The following LPP variants were observed in gnomAD, a reference collection of about 807,000 sequenced individuals.
The protein encoded by LPP is LIM domain containing preferred translocation partner in lipoma.
In LPP, 38 loss-of-function variants were observed where a neutral mutation model predicts 60.4. The observed-to-expected ratio is 0.63, with a 90% CI of 0.49 to 0.83. The LOEUF (loss-of-function observed/expected upper bound fraction) is 0.83. LPP is among the 40% of genes least tolerant of loss of function. LPP has a pLI of 0.00. For missense variants in LPP, 902 were observed against 783.6 expected, an observed-to-expected ratio of 1.15 and a Z score of -1.80; for synonymous variants, 328 against 290.8, an observed-to-expected ratio of 1.13 and a Z score of -1.30.
At chr3:188,322,588 C>T (rs1043545615) in intron 2 of LPP, among the ~76,000 whole-genome samples, 2 of 152,086 alleles carry the variant, frequency 1.3e-5, no homozygotes, top group Non-Finnish European at 2.9e-5. Flanking sequence ...TATATACGGC[C>T]TGAGTTTTAA....
intron 9 of LPP, among the ~76,000 whole-genome samples, chr3:188,800,421 A>AT (rs1283620751): frequency 6.6e-6 from 1 of 151,058 alleles, no homozygotes; most frequent in Non-Finnish European, 1.5e-5. Context: ...AATTTTTTGT[A>AT]TTTTTAGTAG....
At chr3:188,420,024 C>T (rs1787356084) in intron 4 of LPP, among the ~76,000 whole-genome samples, 1 of 152,014 alleles carries the variant, frequency 6.6e-6, no homozygotes, top group Non-Finnish European at 1.5e-5. Flanking sequence ...ATTGTTCTTG[C>T]TATTATTATT....
At chr3:188,616,454 T>C (rs531359603) in intron 7 of LPP, among the ~76,000 whole-genome samples, 1 of 152,302 alleles carries the variant, frequency 6.6e-6, no homozygotes, top group South Asian at 2.1e-4. Flanking sequence ...TATGTCTGTT[T>C]CAATACCAGT....
intron 1 of LPP, among the ~76,000 whole-genome samples, chr3:188,155,928 T>G (rs567602133): frequency 2.0e-5 from 3 of 151,866 alleles, no homozygotes; most frequent in Non-Finnish European, 4.4e-5. Flanking sequence ...GGCAGGAGAA[T>G]CGCTTGAACC....
chr3:188,495,761 G>T (rs1810010412), intron 5 of LPP, among the ~76,000 whole-genome samples: 1 of 152,076 alleles, frequency 6.6e-6, no homozygotes, highest in Non-Finnish European at 1.5e-5. Context: ...AAATCTTTCG[G>T]TTCTTTTGTA....
chr3:188,602,184 A>G (rs1293177162), intron 6 of LPP, among the ~76,000 whole-genome samples: 1 of 135,910 alleles, frequency 7.4e-6, no homozygotes, highest in Non-Finnish European at 1.6e-5. Flanking sequence ...TATTATATAT[A>G]TATATGACAT....
chr3:188,883,021 C>T lies in LPP; in HGVS notation c.*8542C>T. 5.1e-6 allele frequency: 1 copy of T among 197,770 alleles called. No homozygotes were observed. Among genetic ancestry groups the T allele is most frequent in the Non-Finnish European group, 1.0e-5 (1 of 95,518 alleles). The allele number at this position is 197,770 out of a possible 1,614,324, so 12.3% of individuals were successfully genotyped here. ...AATTCTGACTCTACTTAAACATCAC[C>T]TGTATCAGGGAGCTCATTATTCCTT... On this transcript the variant is annotated 3_prime_UTR_variant, in exon 12 of 12. Transcript: ENST00000617246.
At chr3:188,389,400 G>A (rs1479503608) in intron 3 of LPP, among the ~76,000 whole-genome samples, 6 of 152,154 alleles carry the variant, frequency 3.9e-5, no homozygotes, top group South Asian at 2.1e-4. Flanking sequence ...TAACCTGACC[G>A]CTTGACAGTG....
At chr3:188,575,680 A>G (rs1194450903) in intron 6 of LPP, among the ~76,000 whole-genome samples, 2 of 152,176 alleles carry the variant, frequency 1.3e-5, no homozygotes, top group East Asian at 3.9e-4. Context: ...TGTGGCAAGA[A>G]CACGGTTACC....
At chr3:188,733,284 C>CA in intron 8 of LPP, among the ~76,000 whole-genome samples, 1 of 110,256 alleles carries the variant, frequency 9.1e-6, no homozygotes, top group African/African-American at 3.4e-5. Context: ...TTTACTTCAC[C>CA]AAAAACGTGT....
chr3:188,419,634 T>C (rs1787234907), intron 4 of LPP, among the ~76,000 whole-genome samples: 1 of 152,236 alleles, frequency 6.6e-6, no homozygotes. Flanking sequence ...GGCTCACGCC[T>C]GTAATCCCAG....
In LPP at chr3:188,875,796, C is replaced by T. The variant is rs1302610454; in HGVS notation, c.*1317C>T. On this transcript the variant is annotated 3_prime_UTR_variant, in exon 12 of 12. Coordinates refer to ENST00000617246, the MANE Select transcript of LPP (RefSeq NM_001375462.1). ...CTTTTATTAGCCAGTGAAACACTTGCTTGCCAACTGCCAAGCCATACTTAT... is the reference window on the plus strand; with the variant it reads ...CTTTTATTAGCCAGTGAAACACTTGTTTGCCAACTGCCAAGCCATACTTAT... 1 of 196,812 alleles carries T rather than the reference C, an allele frequency of 5.1e-6. No homozygotes were observed. The highest frequency in any genetic ancestry group is 2.3e-5 in the African/African-American group (1 of 43,264). 12.2% of individuals were successfully genotyped at this position (196,812 alleles called of 1,614,324 possible). A position where few individuals can be genotyped will look rare whatever the true frequency, so the allele number is the denominator to read the frequency against.
intron 3 of LPP, among the ~76,000 whole-genome samples, chr3:188,372,214 T>A (rs938444402): frequency 1.3e-5 from 2 of 152,142 alleles, no homozygotes; most frequent in Non-Finnish European, 2.9e-5. Flanking sequence ...CAGTGTCTTC[T>A]TTTTTGTCCC....
Position 188,890,174 on chromosome 3 carries a change from C to A in LPP, c.*15695C>A, listed in dbSNP as rs1384670443. 2.3e-5 allele frequency: 5 copies of A among 217,720 alleles called. No individual in the cohort carries two copies. The highest frequency in any genetic ancestry group is 4.6e-5 in the Non-Finnish European group (5 of 108,336). The allele number at this position is 217,720 out of a possible 1,614,324, so 13.5% of individuals were successfully genotyped here. On this transcript the variant is annotated 3_prime_UTR_variant, in exon 12 of 12. Coordinates refer to ENST00000617246, the MANE Select transcript of LPP (RefSeq NM_001375462.1). ...CTATGCTAAATGTGTCTACTAAGAG[C>A]AGCACTTCCTACTAGCTAAGCACAA... is the stretch of plus-strand genomic sequence containing the variant.
At chr3:188,278,644 T>G (rs1378293977) in intron 2 of LPP, among the ~76,000 whole-genome samples, 3 of 152,038 alleles carry the variant, frequency 2.0e-5, no homozygotes, top group Non-Finnish European at 4.4e-5. Flanking sequence ...GTTTCAGATC[T>G]CCTCTCGGTG....
intron 7 of LPP, among the ~76,000 whole-genome samples, chr3:188,653,301 T>A (rs1342108127): frequency 1.3e-5 from 2 of 152,244 alleles, no homozygotes; most frequent in African/African-American, 4.8e-5. Flanking sequence ...AATGAGCACA[T>A]GTTAAGTTTC....
At chr3:188,683,206 A>G (rs547265834) in intron 7 of LPP, among the ~76,000 whole-genome samples, 5 of 152,110 alleles carry the variant, frequency 3.3e-5, no homozygotes, top group African/African-American at 7.2e-5. Flanking sequence ...TAGACCAAGC[A>G]TAATGAGGTA....
At position 188,631,417 on chromosome 3, in the gene LPP, T is replaced by C. The variant is rs146711416; in HGVS notation, c.1113+21573T>C. Among the ~76,000 whole-genome samples, 40 of 152,300 alleles carry C rather than the reference T, an allele frequency of 2.6e-4. No homozygotes were observed. The East Asian group carries it at 6.6e-3, about 25-fold the overall frequency. On this transcript the variant is annotated intron_variant, in intron 7 of 11. Coordinates refer to ENST00000617246, the MANE Select transcript of LPP (RefSeq NM_001375462.1). ...CACCCTTACTCTTACTGCAGATTCATAGCTGATGAGTTCTATTTTGTGCAA... is the reference window on the plus strand; with the variant it reads ...CACCCTTACTCTTACTGCAGATTCACAGCTGATGAGTTCTATTTTGTGCAA...
chr3:188,276,579 C>G (rs1739786022), intron 2 of LPP, among the ~76,000 whole-genome samples: 1 of 152,028 alleles, frequency 6.6e-6, no homozygotes, highest in Non-Finnish European at 1.5e-5. Context: ...TGGGGCGGAT[C>G]CCTCATGACT....
Sources: gnomAD v4.1 joint callset for allele counts (sites outside exome capture counted in the v4.1 genomes callset) on GRCh38, gnomAD v4.1.1 for gene constraint, MANE v1.5 for transcripts, NCBI Gene and HGNC (gene_info 2026-07-23, HGNC 2026-07-21) for gene names.